The following KIAA1671 variants were observed in gnomAD, a reference collection of about 807,000 sequenced individuals.
The protein encoded by KIAA1671 is KIAA1671.
Under a neutral mutation model 131.2 loss-of-function variants are expected in KIAA1671, and 52 were observed. The observed-to-expected ratio is 0.40, with a 90% CI of 0.32 to 0.50. The LOEUF is 0.50. Ranked by LOEUF, KIAA1671 falls within the 20% of genes least tolerant of loss-of-function variation. The probability of loss-of-function intolerance (pLI) is 0.73; values close to 1 mark genes in which losing one functional copy is unlikely to be tolerated. For synonymous variants in KIAA1671, 1,003 were observed against 961.6 expected (o/e 1.04, Z -0.80); for missense variants, 2,360 against 2,364.2 (o/e 1.00, Z 0.04).
intron 1 of KIAA1671, among the ~76,000 whole-genome samples, chr22:24,986,040 G>A (rs183384936): frequency 1.5e-4 from 23 of 152,210 alleles, no homozygotes; most frequent in Non-Finnish European, 2.5e-4. Flanking sequence ...GTTAAATTTG[G>A]TCCCGGATCT....
chr22:24,964,594 A>C (rs1430648206), intron 1 of KIAA1671, among the ~76,000 whole-genome samples: 1 of 152,050 alleles, frequency 6.6e-6, no homozygotes, highest in East Asian at 1.9e-4. Flanking sequence ...GCTAATTAAA[A>C]AATTTTTTTG....
chr22:25,183,399 A>T (rs113869549), intron 10 of KIAA1671, among the ~76,000 whole-genome samples: 4,345 of 149,464 alleles, frequency 0.029, 99 homozygotes, highest in Middle Eastern at 0.063. Context: ...AGTCACTAGA[A>T]CTAGGTTAGA....
chr22:25,155,220 A>G (rs1933189445), intron 6 of KIAA1671, among the ~76,000 whole-genome samples: 1 of 152,222 alleles, frequency 6.6e-6, no homozygotes, highest in African/African-American at 2.4e-5. Flanking sequence ...ATTGTTTTGA[A>G]TGGAGACACC....
At chr22:24,981,062 C>CTCTG in intron 1 of KIAA1671, among the ~76,000 whole-genome samples, 1 of 148,906 alleles carries the variant, frequency 6.7e-6, no homozygotes, top group South Asian at 2.1e-4. Flanking sequence ...TTGTTATTTT[C>CTCTG]TGTGTGTGTG....
At chr22:25,053,944 T>C (rs960697448) in intron 6 of KIAA1671, 5 of 151,220 alleles carry the variant, frequency 3.3e-5, no homozygotes, top group African/African-American at 9.7e-5. Context: ...ATTCCAGCAG[T>C]TGGGGAGGCC....
chr22:25,041,152 G>C lies in KIAA1671; in HGVS notation c.4022G>C (p.Cys1341Ser), dbSNP rs1404809515. Reference sequence around the variant, plus strand: ...GCCAGTAAACATCATGTTGCAAAGTGTCAGAATTACCTGGCTGAGTCAAAG... The same window carrying C: ...GCCAGTAAACATCATGTTGCAAAGTCTCAGAATTACCTGGCTGAGTCAAAG... ...AFASKHHVAK[C>S]QNYLAESKPS... The change falls in exon 5 of 13, where the codon TGT becomes TCT. Residue 1341 changes from cysteine to serine, a missense_variant. Cys to Ser is a moderately radical substitution (Grantham distance 112). Around this residue, in one of 3 missense-constraint regions of KIAA1671, gnomAD observed 1,161 missense variants for 1,204.7 expected, o/e 0.96. Transcript: ENST00000358431. 4 of 1,551,356 alleles carry C rather than the reference G, an allele frequency of 2.6e-6. No homozygotes were observed. The African/African-American group carries it at 5.5e-5, about 21-fold the overall frequency.
intron 6 of KIAA1671, among the ~76,000 whole-genome samples, chr22:25,087,381 C>T (rs925959886): frequency 1.3e-5 from 2 of 152,110 alleles, no homozygotes; most frequent in Non-Finnish European, 2.9e-5. Flanking sequence ...CTCAGGAGTT[C>T]GAGACCAGTC....
At chr22:25,116,644 A>T (rs1931679665) in intron 6 of KIAA1671, among the ~76,000 whole-genome samples, 1 of 148,692 alleles carries the variant, frequency 6.7e-6, no homozygotes, top group Admixed American at 6.7e-5. Flanking sequence ...CTGGTCTCGA[A>T]CTCTGGCCTC....
At chr22:25,092,494 C>G (rs1601303329) in intron 6 of KIAA1671, among the ~76,000 whole-genome samples, 1 of 152,220 alleles carries the variant, frequency 6.6e-6, no homozygotes, top group South Asian at 2.1e-4. Context: ...GATGAGGGAG[C>G]ATTTTTGGTG....
chr22:25,154,001 C>T (rs1451903451), intron 6 of KIAA1671, among the ~76,000 whole-genome samples: 1 of 152,184 alleles, frequency 6.6e-6, no homozygotes, highest in African/African-American at 2.4e-5. Context: ...TTCTTTTCTT[C>T]GCTGCTTCAG....
chr22:25,038,701 C>T lies in KIAA1671; in HGVS notation c.1630-59C>T. ...GCCCTTTCAATTACTCCACTTTTTC[C>T]TTTCCATCTCAAATCCTTAAACACT... On this transcript the variant is annotated intron_variant, in intron 4 of 12. Coordinates refer to ENST00000358431, the MANE Select transcript of KIAA1671 (RefSeq NM_001145206.2). 3.4e-6 allele frequency: 5 copies of T among 1,457,990 alleles called. No homozygotes were observed. The Admixed American group carries it at 8.1e-5, about 24-fold the overall frequency. 90.3% of individuals were successfully genotyped at this position (1,457,990 alleles called of 1,614,324 possible).
At chr22:24,968,003 A>G (rs903984397) in intron 1 of KIAA1671, among the ~76,000 whole-genome samples, 5 of 152,014 alleles carry the variant, frequency 3.3e-5, no homozygotes, top group Admixed American at 2.0e-4. Flanking sequence ...AAAAGAAAAG[A>G]AAAAAAGACT....
chr22:25,097,648 G>A (rs1930453359), intron 6 of KIAA1671, among the ~76,000 whole-genome samples: 1 of 151,996 alleles, frequency 6.6e-6, no homozygotes, highest in Admixed American at 6.5e-5. Context: ...GCTGAGGCAG[G>A]AGAATGGCGT....
chr22:25,153,729 T>A (rs1933129287), intron 6 of KIAA1671, among the ~76,000 whole-genome samples: 1 of 152,192 alleles, frequency 6.6e-6, no homozygotes, highest in Non-Finnish European at 1.5e-5. Context: ...GGCACTCGGA[T>A]GTTGCCCTAC....
intron 6 of KIAA1671, among the ~76,000 whole-genome samples, chr22:25,092,740 G>T (rs1930082681): frequency 6.6e-6 from 1 of 152,214 alleles, no homozygotes; most frequent in Non-Finnish European, 1.5e-5. Context: ...AGGGTCCCCA[G>T]TGTCTGGCCC....
intron 1 of KIAA1671, among the ~76,000 whole-genome samples, chr22:24,968,882 A>G (rs901779495): frequency 1.3e-5 from 2 of 151,366 alleles, no homozygotes; most frequent in African/African-American, 4.9e-5. Context: ...TTATTGTTTT[A>G]TTGTTTTGTT....
intron 6 of KIAA1671, among the ~76,000 whole-genome samples, chr22:25,086,833 C>T (rs1455900571): frequency 6.6e-6 from 1 of 152,220 alleles, no homozygotes; most frequent in African/African-American, 2.4e-5. Flanking sequence ...CCCAGGGACC[C>T]CTCTTCCTGA....
At chr22:25,081,905 T>C (rs1345377500) in intron 6 of KIAA1671, among the ~76,000 whole-genome samples, 1 of 152,014 alleles carries the variant, frequency 6.6e-6, no homozygotes, top group African/African-American at 2.4e-5. Context: ...CTACAAAAAA[T>C]GTAAAAATTA....
chr22:25,190,743 C>A lies in KIAA1671; in HGVS notation c.5384C>A (p.Ser1795Tyr), dbSNP rs556492876. ...CCCCAGTGGCTAAAGGAATTGAAAT[C>A]CAAGAAGAGGCAAAGTCTTTATGAG... ...PSPQWLKELK[S>Y]KKRQSLYENQ... Residue 1795 changes from serine (S) to tyrosine (Y), a missense_variant, in exon 12 of 13, where the codon TCC (serine) becomes TAC (tyrosine). Coordinates refer to ENST00000358431, the MANE Select transcript of KIAA1671 (RefSeq NM_001145206.2). The A allele has an allele frequency of 2.3e-5, 36 of 1,551,828 alleles. No homozygotes were observed. In the East Asian group the frequency reaches 8.8e-4, roughly 38 times the overall value.
Sources: allele counts gnomAD v4.1 joint callset (sites outside exome capture counted in the v4.1 genomes callset), GRCh38; gene constraint gnomAD v4.1.1; regional missense constraint gnomAD v4.1.1; transcripts MANE v1.5; gene names NCBI Gene and HGNC (gene_info 2026-07-23, HGNC 2026-07-21).